The following TMEM18 variants were observed in gnomAD, a reference collection of about 807,000 sequenced individuals.
TMEM18 encodes the protein transmembrane protein 18.
TMEM18 carries 14 observed loss-of-function variants against 17.4 expected under a neutral mutation model. That is an observed-to-expected ratio of 0.80 (90% confidence interval 0.53 to 1.25). TMEM18 has a LOEUF of 1.25. TMEM18 is among the 50% of genes most tolerant of loss of function. TMEM18 has a pLI of 0.00. For synonymous variants in TMEM18, 86 were observed against 66.1 expected, an observed-to-expected ratio of 1.30 and a Z score of -1.46; for missense variants, 187 against 172.1, an observed-to-expected ratio of 1.09 and a Z score of -0.48.
Position 675,605 on chromosome 2 carries a change from A to T in TMEM18, c.83T>A (p.Leu28His). The change falls in exon 2 of 5, where the codon CTC becomes CAC. Residue 28 changes from leucine to histidine, a missense_variant. Coordinates refer to ENST00000281017, the MANE Select transcript of TMEM18 (RefSeq NM_152834.4). ...LTQTDWTEPW[L>H]MGLATFHALC... ...CGCGTGGAAGGTGGCCAGCCCCATG[A>T]GCCAGGGCTCAGTCCAGTCCGTCTG... 1 of 1,614,196 alleles carries T rather than the reference A, an allele frequency of 6.2e-7. No individual in the cohort carries two copies. The highest frequency in any genetic ancestry group is 8.5e-7 in the Non-Finnish European group (1 of 1,180,042).
intron 2 of TMEM18, among the ~76,000 whole-genome samples, chr2:673,099 T>G (rs1678898274): frequency 1.3e-5 from 2 of 152,186 alleles, no homozygotes; most frequent in Admixed American, 6.5e-5. Flanking sequence ...GAGCCCGTGC[T>G]CAGGTCAGCA....
At chr2:675,692 C>T in intron 1 of TMEM18, 62 bp from the exon 2 acceptor site, 2 of 1,596,440 alleles carry the variant, frequency 1.3e-6, no homozygotes, top group East Asian at 4.5e-5. Context: ...TCACGGCCCA[C>T]CCACAGCCTT....
At position 674,941 on chromosome 2, in the gene TMEM18, G is replaced by A. The variant is rs544620234; in HGVS notation, c.178+569C>T. 3.3e-5 allele frequency among the ~76,000 whole-genome samples: 5 copies of A among 152,200 alleles called. No homozygotes were observed. The East Asian group carries it at 9.7e-4, about 29-fold the overall frequency. ...CCATCTATCTCAGTCTCTGCATGTC[G>A]GGCTGCTGCCCTCCCAGGGCCGTCA... is the stretch of plus-strand genomic sequence containing the variant. On this transcript the variant is annotated intron_variant, in intron 2 of 4. Transcript: ENST00000281017.
At chr2:677,102 G>T in intron 1 of TMEM18, 187 bp downstream of exon 1, 1 of 639,802 alleles carries the variant, frequency 1.6e-6, no homozygotes, top group Non-Finnish European at 2.5e-6. Flanking sequence ...CCCACAGCGC[G>T]CGCCCCCGAC....
In TMEM18 at chr2:672,707, C is replaced by T. The variant is rs1678881408; in HGVS notation, c.233+101G>A. 12 of 1,116,494 alleles carry T rather than the reference C, an allele frequency of 1.1e-5. No individual in the cohort carries two copies. The South Asian group carries it at 1.5e-4, about 14-fold the overall frequency. 69.2% of individuals were successfully genotyped at this position (1,116,494 alleles called of 1,614,324 possible). On this transcript the variant is annotated intron_variant, in intron 3 of 4. Transcript: ENST00000281017. ...GGGCACGGGCTGTGCACAGCTGCCA[C>T]GTTAGGATTCACTGTCTCCTCCGCG...
intron 1 of TMEM18, 72 bp downstream of exon 1, chr2:677,189 CCGGGGCCTTCTTGGCCACAGGCCGGGTG>C: frequency 3.5e-6 from 5 of 1,436,832 alleles, no homozygotes; most frequent in Non-Finnish European, 4.7e-6. Context: ...CCGCCCACGG[CCGGGGCCTTCTTGGCCACAGGCCGGGTG>C]CTCTGTGGGG....
chr2:664,197 G>C lies in TMEM18; in HGVS notation c.*5383C>G, dbSNP rs543640613. Among the ~76,000 whole-genome samples, 4 of 152,350 alleles carry C rather than the reference G, an allele frequency of 2.6e-5. No individual in the cohort carries two copies. The highest frequency in any genetic ancestry group is 9.6e-5 in the African/African-American group (4 of 41,588). The stretch of plus-strand genomic sequence containing the variant: ...ATAAGGATGGCACAATGTGTTTGTC[G>C]TTGTAACTTGTTTAAACTAACTTCA... On this transcript the variant is annotated 3_prime_UTR_variant, in exon 5 of 5. Coordinates refer to ENST00000281017, the MANE Select transcript of TMEM18 (RefSeq NM_152834.4).
rs543621471 is a variant in TMEM18 at position 664,331 on chromosome 2, T to C, written c.*5249A>G. Among the ~76,000 whole-genome samples, 556 of 152,352 alleles carry C rather than the reference T, an allele frequency of 3.6e-3. 1 individual carries two copies. Among genetic ancestry groups the C allele is most frequent in the African/African-American group, 0.013 (534 of 41,580 alleles). ...GATGATACATAAAGCAAAAAACTGT[T>C]TGACTTTCTAAAACCTTTTCAACAC... On this transcript the variant is annotated 3_prime_UTR_variant, in exon 5 of 5. Coordinates refer to ENST00000281017, the MANE Select transcript of TMEM18 (RefSeq NM_152834.4).
At position 675,624 on chromosome 2, in the gene TMEM18, C is replaced by A; in HGVS notation, c.64G>T (p.Asp22Tyr). ...VSIPAVLTQT[D>Y]WTEPWLMGLA... ...CCCATGAGCCAGGGCTCAGTCCAGT[C>A]CGTCTGCTGTAGGAACACACCAGCA... The change falls in exon 2 of 5, where the codon GAC (aspartate) becomes TAC (tyrosine). Residue 22 changes from aspartate (D) to tyrosine (Y), a missense_variant. Physicochemically the swap from Asp to Tyr is radical, Grantham distance 160. Coordinates refer to ENST00000281017, the MANE Select transcript of TMEM18 (RefSeq NM_152834.4). The A allele has an allele frequency of 6.2e-7, 1 of 1,614,020 alleles. No homozygotes were observed. Among genetic ancestry groups the A allele is most frequent in the Non-Finnish European group, 8.5e-7 (1 of 1,180,034 alleles).
intron 2 of TMEM18, among the ~76,000 whole-genome samples, chr2:673,866 C>T (rs1439682809): frequency 1.0e-5 from 1 of 99,280 alleles, no homozygotes; most frequent in Non-Finnish European, 2.0e-5. Flanking sequence ...GGCATGGGTG[C>T]GGGGAGGAAG....
Position 669,384 on chromosome 2 carries a change from A to G in TMEM18, c.*196T>C. ...ACAAAGATCAGGCACCTGAAGACGC[A>G]TGTCCTGATGGATACATTCAGTGCT... On this transcript the variant is annotated 3_prime_UTR_variant, in exon 5 of 5. Transcript: ENST00000281017. The G allele has an allele frequency of 3.2e-6, 2 of 627,514 alleles. No homozygotes were observed. The highest frequency in any genetic ancestry group is 5.7e-6 in the Non-Finnish European group (2 of 351,992). The allele number at this position is 627,514 out of a possible 1,614,324, so 38.9% of individuals were successfully genotyped here.
chr2:676,487 A>ACT, intron 1 of TMEM18: 2 of 1,323,452 alleles, frequency 1.5e-6, no homozygotes, highest in East Asian at 5.3e-5. Flanking sequence ...CTGTGTCACT[A>ACT]CTCTCTGCTG....
At chr2:676,400 G>T in intron 1 of TMEM18, 1 of 1,349,248 alleles carries the variant, frequency 7.4e-7, no homozygotes, top group Non-Finnish European at 9.9e-7. Flanking sequence ...CCTCCAAGCT[G>T]CAGCCCCGCC....
At position 677,294 on chromosome 2, in the gene TMEM18, G is replaced by C; in HGVS notation, c.52C>G (p.Leu18Val). Residue 18 changes from leucine to valine, a missense_variant, in exon 1 of 5, where the codon CTC becomes GTC. By Grantham distance (32) the Leu-to-Val change is conservative. Coordinates refer to ENST00000281017, the MANE Select transcript of TMEM18 (RefSeq NM_152834.4). ...SSFPVSIPAV[L>V]TQTDWTEPWL... The stretch of plus-strand genomic sequence containing the variant: ...TTACGCGGGCCGCGAGTTACCGTGA[G>C]CACGGCTGGGATGCTGACGGGGAAA... 1 of 1,611,704 alleles carries C rather than the reference G, an allele frequency of 6.2e-7. No homozygotes were observed. The highest frequency in any genetic ancestry group is 2.2e-5 in the East Asian group (1 of 44,864).
In TMEM18 at chr2:666,485, G is replaced by A. The variant is rs1384378227; in HGVS notation, c.*3095C>T. 6.6e-6 allele frequency among the ~76,000 whole-genome samples: 1 copy of A among 152,214 alleles called. No homozygotes were observed. Among genetic ancestry groups the A allele is most frequent in the Non-Finnish European group, 1.5e-5 (1 of 68,038 alleles). The stretch of plus-strand genomic sequence containing the variant: ...TGGAACATCGGAGGAAGAGGAGCTA[G>A]AAAGCTTACCAGGCCGATGAGGATG... On this transcript the variant is annotated 3_prime_UTR_variant, in exon 5 of 5. Transcript: ENST00000281017.
At position 666,244 on chromosome 2, in the gene TMEM18, T is replaced by C. The variant is rs1359798937; in HGVS notation, c.*3336A>G. On this transcript the variant is annotated 3_prime_UTR_variant, in exon 5 of 5. Coordinates refer to ENST00000281017, the MANE Select transcript of TMEM18 (RefSeq NM_152834.4). ...CCTGAGGCTTACAGAGCAGACCCTATGGCCACATGCTTGGACTTAGGCCTC... is the reference window on the plus strand; with the variant it reads ...CCTGAGGCTTACAGAGCAGACCCTACGGCCACATGCTTGGACTTAGGCCTC... Among the ~76,000 whole-genome samples the C allele has an allele frequency of 6.6e-6, 1 of 152,230 alleles. No individual in the cohort carries two copies. Among genetic ancestry groups the C allele is most frequent in the Non-Finnish European group, 1.5e-5 (1 of 68,030 alleles).
rs1444082766 is a variant in TMEM18, at chr2:665,277, C to A, written c.*4303G>T. Among the ~76,000 whole-genome samples the A allele has an allele frequency of 6.6e-6, 1 of 151,748 alleles. No individual in the cohort carries two copies. ...AACAGGATCCAGAGATGCAGACACCCCACTCACTCAGATAGAGAATCAACC... is the reference window on the plus strand; with the variant it reads ...AACAGGATCCAGAGATGCAGACACCACACTCACTCAGATAGAGAATCAACC... On this transcript the variant is annotated 3_prime_UTR_variant, in exon 5 of 5. Transcript: ENST00000281017.
rs901608959 is a variant in TMEM18, at chr2:665,518, C to G, written c.*4062G>C. 1.3e-5 allele frequency among the ~76,000 whole-genome samples: 2 copies of G among 151,458 alleles called. No individual in the cohort carries two copies. The highest frequency in any genetic ancestry group is 4.9e-5 in the African/African-American group (2 of 41,148). On this transcript the variant is annotated 3_prime_UTR_variant, in exon 5 of 5. Transcript: ENST00000281017. Reference sequence around the variant, plus strand: ...CAGAGATGCAAACACCCCACTCACTCAGACAGAGAATCAACCCCACATAAA... The same window carrying G: ...CAGAGATGCAAACACCCCACTCACTGAGACAGAGAATCAACCCCACATAAA...
intron 1 of TMEM18, chr2:676,673 C>T (rs1364388541): frequency 6.5e-7 from 1 of 1,542,158 alleles, no homozygotes; most frequent in East Asian, 2.5e-5. Flanking sequence ...GGCGTGGGCT[C>T]CCCTGGGATC....
Sources: allele counts gnomAD v4.1 joint callset (sites outside exome capture counted in the v4.1 genomes callset), GRCh38; gene constraint gnomAD v4.1.1; transcripts MANE v1.5; gene names NCBI Gene and HGNC (gene_info 2026-07-23, HGNC 2026-07-21).